Variants in PGF observed in about 807,000 individuals in gnomAD.
The protein encoded by PGF is placenta growth factor.
Under a neutral mutation model 25.3 loss-of-function variants are expected in PGF, and 11 were observed. That is an observed-to-expected ratio of 0.43 (90% CI 0.27 to 0.72). The LOEUF (loss-of-function observed/expected upper bound fraction) is 0.72, where lower values mean the gene tolerates loss of function less well. Among genes scored for constraint, PGF ranks in the 30% least tolerant of loss-of-function variants. PGF has a pLI of 0.18. For synonymous variants in PGF, 105 were observed against 97.9 expected, an observed-to-expected ratio of 1.07 and a Z score of -0.43; for missense variants, 230 against 234.9, an observed-to-expected ratio of 0.98 and a Z score of 0.14.
chr14:74,948,938 C>A (rs1888807729), intron 3 of PGF, among the ~76,000 whole-genome samples: 1 of 152,188 alleles, frequency 6.6e-6, no homozygotes, highest in South Asian at 2.1e-4. Flanking sequence ...ATGACACCAG[C>A]CTTGAAGGAT....
rs1888859129 is a variant in PGF at position 74,950,965 on chromosome 14, G to A, written c.119-1412C>T. Among the ~76,000 whole-genome samples, 1 of 152,192 alleles carries A rather than the reference G, an allele frequency of 6.6e-6. No individual in the cohort carries two copies. Among genetic ancestry groups the A allele is most frequent in the Admixed American group, 6.5e-5 (1 of 15,280 alleles). On this transcript the variant is annotated intron_variant, in intron 2 of 6. Coordinates refer to ENST00000555567, the MANE Select transcript of PGF (RefSeq NM_002632.6). This position sits in a 1 kb window ranked among gnomAD's most constrained non-coding sequence, Gnocchi z 4.1. The stretch of plus-strand genomic sequence containing the variant: ...TTTCTTCCATGCCTCTGCCTAGGAG[G>A]CAGAAGGGGCCAAAGTCCATTCCAC...
Position 74,942,629 on chromosome 14 carries a change from C to T in PGF, c.*77G>A, listed in dbSNP as rs570339520. 2.9e-6 allele frequency: 4 copies of T among 1,371,584 alleles called. No individual in the cohort carries two copies. In the East Asian group the frequency reaches 7.0e-5, roughly 24 times the overall value. 85.0% of individuals were successfully genotyped at this position (1,371,584 alleles called of 1,614,324 possible). A position where few individuals can be genotyped will look rare whatever the true frequency, so the allele number is the denominator to read the frequency against. On this transcript the variant is annotated 3_prime_UTR_variant, in exon 7 of 7. Coordinates refer to ENST00000555567, the MANE Select transcript of PGF (RefSeq NM_002632.6). The stretch of plus-strand genomic sequence containing the variant: ...TGGCTAATAAATAGAGGGCAGGTAC[C>T]AGCAGGAGTCACTGAAGAGTGTGAC...
intron 3 of PGF, 24 bp downstream of exon 3, chr14:74,949,333 C>T (rs186420019): frequency 5.4e-6 from 8 of 1,475,540 alleles, no homozygotes; most frequent in Middle Eastern, 1.8e-4. Context: ...ATTCGGTGGC[C>T]CCCTGGGCAG....
At chr14:74,946,308 TG>T in intron 5 of PGF, 33 bp from the exon 6 acceptor site, 12 of 1,614,052 alleles carry the variant, frequency 7.4e-6, no homozygotes, top group Non-Finnish European at 1.0e-5. Flanking sequence ...ACAAGGTGGC[TG>T]GGGAACCCCA....
Position 74,953,333 on chromosome 14 carries a change from T to C in PGF, c.118+571A>G, listed in dbSNP as rs372958834. On this transcript the variant is annotated intron_variant, in intron 2 of 6. Coordinates refer to ENST00000555567, the MANE Select transcript of PGF (RefSeq NM_002632.6). The surrounding 1 kb of genome is among the most constrained non-coding windows in gnomAD (Gnocchi z 5.4). ...GCATGGGCCTCCTGCCTTCTGTACA[T>C]ATGTCTCTTTGGCAAACGTCTCGTT... is the stretch of plus-strand genomic sequence containing the variant. 6.6e-6 allele frequency among the ~76,000 whole-genome samples: 1 copy of C among 152,166 alleles called. No individual in the cohort carries two copies. Among genetic ancestry groups the C allele is most frequent in the Non-Finnish European group, 1.5e-5 (1 of 68,030 alleles).
chr14:74,952,379 A>G (rs1359431852), intron 2 of PGF, among the ~76,000 whole-genome samples: 1 of 152,150 alleles, frequency 6.6e-6, no homozygotes, highest in East Asian at 1.9e-4. Flanking sequence ...AGCTATTGGG[A>G]GCACTTGGTT....
intron 2 of PGF, among the ~76,000 whole-genome samples, chr14:74,951,310 C>T (rs1213154946): frequency 5.3e-5 from 8 of 152,178 alleles, no homozygotes; most frequent in East Asian, 3.9e-4. Flanking sequence ...GGAAACAAGG[C>T]CTCTCTCCCC....
chr14:74,952,780 A>G (rs776098313), intron 2 of PGF, among the ~76,000 whole-genome samples: 13 of 152,202 alleles, frequency 8.5e-5, no homozygotes, highest in Non-Finnish European at 1.8e-4. Flanking sequence ...ATGTACACCC[A>G]TTTCTCCTCC....
intron 2 of PGF, 77 bp from the exon 3 acceptor site, chr14:74,949,630 C>T: frequency 8.4e-7 from 1 of 1,189,516 alleles, no homozygotes; most frequent in Non-Finnish European, 1.1e-6. Context: ...TCCCAAGGCC[C>T]TGCTGGCCTT....
Position 74,948,572 on chromosome 14 carries a change from G to A in PGF, c.327C>T (p.Ile109=). 2 of 1,601,552 alleles carry A rather than the reference G, an allele frequency of 1.2e-6. No individual in the cohort carries two copies. Among genetic ancestry groups the A allele is most frequent in the Non-Finnish European group, 1.7e-6 (2 of 1,170,510 alleles). ...CGTAGGAGGGCCGGTCCCCAGAACG[G>A]ATCTTTAGGAGCTGAAGGAAGAAAG... ...TANVTMQLLK[I]RSGDRPSYVE... Residue 109 remains isoleucine, a synonymous_variant, in exon 4 of 7, where the codon ATC becomes ATT. Transcript: ENST00000555567.
rs200298288 is a variant in PGF at position 74,953,867 on chromosome 14, T to C, written c.118+37A>G. The stretch of plus-strand genomic sequence containing the variant: ...GCTTGGGAGAAAGGAAGAGAGGGGC[T>C]TGGGGAGCATGCGTACCCCCAGCCT... On this transcript the variant is annotated intron_variant, in intron 2 of 6. Coordinates refer to ENST00000555567, the MANE Select transcript of PGF (RefSeq NM_002632.6). This position sits in a 1 kb window ranked among gnomAD's most constrained non-coding sequence, Gnocchi z 5.4. The C allele has an allele frequency of 1.7e-4, 268 of 1,607,196 alleles. No individual in the cohort carries two copies. The African/African-American group carries it at 3.4e-3, about 20-fold the overall frequency.
intron 2 of PGF, among the ~76,000 whole-genome samples, chr14:74,951,954 G>A (rs1888881550): frequency 6.6e-6 from 1 of 152,174 alleles, no homozygotes; most frequent in Non-Finnish European, 1.5e-5. Context: ...TCAGGAAAGA[G>A]CTCTGCTCAG....
At chr14:74,943,067 C>G (rs1029387161) in intron 6 of PGF, among the ~76,000 whole-genome samples, 1 of 152,152 alleles carries the variant, frequency 6.6e-6, no homozygotes. Context: ...CACGGCCAGT[C>G]GGTGACAGAG....
At chr14:74,951,301 G>A (rs1487746498) in intron 2 of PGF, among the ~76,000 whole-genome samples, 1 of 152,164 alleles carries the variant, frequency 6.6e-6, no homozygotes, top group Non-Finnish European at 1.5e-5. Flanking sequence ...AACCCAGTGG[G>A]AAACAAGGCC....
At position 74,953,069 on chromosome 14, in the gene PGF, C is replaced by G. The variant is rs1003567873; in HGVS notation, c.118+835G>C. Among the ~76,000 whole-genome samples the G allele has an allele frequency of 1.3e-5, 2 of 152,236 alleles. No individual in the cohort carries two copies. Among genetic ancestry groups the G allele is most frequent in the Non-Finnish European group, 2.9e-5 (2 of 68,038 alleles). On this transcript the variant is annotated intron_variant, in intron 2 of 6. Transcript: ENST00000555567. This position sits in a 1 kb window ranked among gnomAD's most constrained non-coding sequence, Gnocchi z 5.4. Reference sequence around the variant, plus strand: ...AGGGCAGCTACCTCCTCTACCTGCTCAGGGGTCTAGGGGCCTAAGCCTTAG... The same window carrying G: ...AGGGCAGCTACCTCCTCTACCTGCTGAGGGGTCTAGGGGCCTAAGCCTTAG...
At chr14:74,944,467 A>G (rs1219993565) in intron 6 of PGF, 1 of 152,078 alleles carries the variant, frequency 6.6e-6, no homozygotes, top group Non-Finnish European at 1.5e-5. Flanking sequence ...ATTTAATAGG[A>G]TACACCTGGA....
intron 1 of PGF, 186 bp from the exon 2 acceptor site, chr14:74,954,132 C>T (rs1432233822): frequency 1.7e-6 from 1 of 605,812 alleles, no homozygotes; most frequent in Non-Finnish European, 3.0e-6. Context: ...AGGTTAGGTC[C>T]CACCCCTCTC....
chr14:74,945,584 A>C (rs1164117582), intron 6 of PGF: 1 of 152,556 alleles, frequency 6.6e-6, no homozygotes, highest in East Asian at 1.9e-4. Context: ...TGCACGTGAA[A>C]TATTTTATTT....
chr14:74,944,184 G>C (rs1888666639), intron 6 of PGF, among the ~76,000 whole-genome samples: 1 of 146,258 alleles, frequency 6.8e-6, no homozygotes. Context: ...CTCACTGCAA[G>C]TTCCGCCTCC....
Sources: allele counts gnomAD v4.1 joint callset (sites outside exome capture counted in the v4.1 genomes callset), GRCh38; gene constraint gnomAD v4.1.1; non-coding constraint Gnocchi (gnomAD v3.1); transcripts MANE v1.5; gene names NCBI Gene and HGNC (gene_info 2026-07-23, HGNC 2026-07-21).